Variants in OR3A1 observed in about 807,000 individuals in gnomAD.
The protein encoded by OR3A1 is olfactory receptor family 3 subfamily A member 1, also known as olfactory receptor 3A1.
For synonymous variants in OR3A1, 145 were observed against 160.0 expected (o/e 0.91, Z 0.71); for missense variants, 402 against 393.8 (o/e 1.02, Z -0.18).
rs535937170 is a variant in OR3A1 at position 3,294,169 on chromosome 17, AAAAAT to A, written c.-6-1586_-6-1582del. Among the ~76,000 whole-genome samples the A allele has an allele frequency of 2.6e-3, 400 of 151,580 alleles. 1 individual carries two copies. Among genetic ancestry groups the A allele is most frequent in the Non-Finnish European group, 3.4e-3 (231 of 67,990 alleles). Reference sequence around the variant, plus strand: ...TGTTACCCAACATTTCGGCCTCTCTAAAAATAAAATAAAAAAAAAACTTAAGGAGG... The same window carrying A: ...TGTTACCCAACATTTCGGCCTCTCTAAAAATAAAAAAAAAACTTAAGGAGG... On this transcript the variant is annotated intron_variant, in intron 1 of 1. Coordinates refer to ENST00000323404, the MANE Select transcript of OR3A1 (RefSeq NM_002550.3).
Position 3,291,886 on chromosome 17 carries a change from A to G in OR3A1, c.697T>C (p.Ser233Pro). ...AAGGCTTTCTTCCTGCCCTCTACAG[A>G]GCGAATTCGCAGGACTGCAGCTGCC... The part of the protein sequence containing the change: ...HVAAAVLRIR[S>P]VEGRKKAFST... The change falls in exon 2 of 2, where the codon TCT (serine) becomes CCT (proline). Residue 233 changes from serine (S) to proline (P), a missense_variant. Transcript: ENST00000323404. The G allele has an allele frequency of 3.1e-6, 5 of 1,614,232 alleles. No homozygotes were observed. Among genetic ancestry groups the G allele is most frequent in the Non-Finnish European group, 4.2e-6 (5 of 1,180,046 alleles).
At chr17:3,297,427 T>C (rs2048928060) in intron 1 of OR3A1, among the ~76,000 whole-genome samples, 1 of 152,210 alleles carries the variant, frequency 6.6e-6, no homozygotes, top group Non-Finnish European at 1.5e-5. Flanking sequence ...GTTCTAACCA[T>C]TTACTTTATC....
At position 3,292,020 on chromosome 17, in the gene OR3A1, A is replaced by T. The variant is rs531008041; in HGVS notation, c.563T>A (p.Phe188Tyr). 49 of 1,614,234 alleles carry T rather than the reference A, an allele frequency of 3.0e-5. No homozygotes were observed. The East Asian group carries it at 1.1e-3, about 35-fold the overall frequency. The change falls in exon 2 of 2, where the codon TTC becomes TAC. Residue 188 changes from phenylalanine to tyrosine, a missense_variant. Phe to Tyr is a conservative substitution (Grantham distance 22). Transcript: ENST00000323404. ...NHFYCDLPQLFQLSCSSTQLN... is the reference protein window; with the variant it reads ...NHFYCDLPQLYQLSCSSTQLN... ...TTGGGTGCTGGAGCAGGAGAGCTGG[A>T]AGAGCTGTGGGAGGTCACAGTAGAA...
chr17:3,295,675 A>G (rs1024937562), intron 1 of OR3A1, among the ~76,000 whole-genome samples: 9 of 152,156 alleles, frequency 5.9e-5, no homozygotes, highest in Non-Finnish European at 1.2e-4. Flanking sequence ...ATACAACTCT[A>G]GGCTGATGCC....
chr17:3,291,876 C>G lies in OR3A1; in HGVS notation c.707G>C (p.Gly236Ala). 1 of 1,614,186 alleles carries G rather than the reference C, an allele frequency of 6.2e-7. No homozygotes were observed. The highest frequency in any genetic ancestry group is 8.5e-7 in the Non-Finnish European group (1 of 1,180,012). ...AAVLRIRSVE[G>A]RKKAFSTCGS... Reference sequence around the variant, plus strand: ...ACATGTGGAGAAGGCTTTCTTCCTGCCCTCTACAGAGCGAATTCGCAGGAC... The same window carrying G: ...ACATGTGGAGAAGGCTTTCTTCCTGGCCTCTACAGAGCGAATTCGCAGGAC... Residue 236 changes from glycine to alanine, a missense_variant, in exon 2 of 2, where the codon GGC (glycine) becomes GCC (alanine). By Grantham distance (60) the Gly-to-Ala change is moderately conservative. Coordinates refer to ENST00000323404, the MANE Select transcript of OR3A1 (RefSeq NM_002550.3).
chr17:3,293,748 C>T (rs1451382237), intron 1 of OR3A1, among the ~76,000 whole-genome samples: 1 of 152,132 alleles, frequency 6.6e-6, no homozygotes, highest in East Asian at 1.9e-4. Flanking sequence ...AAATGTGGTA[C>T]ATATACACCA....
At chr17:3,297,800 A>G (rs1317600030) in intron 1 of OR3A1, among the ~76,000 whole-genome samples, 2 of 152,168 alleles carry the variant, frequency 1.3e-5, no homozygotes, top group Non-Finnish European at 2.9e-5. Context: ...AGTAAAAGGG[A>G]GCATCAGATT....
intron 1 of OR3A1, among the ~76,000 whole-genome samples, chr17:3,296,533 G>A (rs1483616305): frequency 3.3e-5 from 5 of 151,904 alleles, no homozygotes; most frequent in Non-Finnish European, 7.4e-5. Context: ...ACATAAACTT[G>A]TTAAATTTTT....
chr17:3,295,366 T>C (rs1295904474), intron 1 of OR3A1, among the ~76,000 whole-genome samples: 2 of 152,076 alleles, frequency 1.3e-5, no homozygotes, highest in Non-Finnish European at 2.9e-5. Context: ...ATATACTAAT[T>C]TCATTGTGCT....
intron 1 of OR3A1, among the ~76,000 whole-genome samples, chr17:3,295,524 G>A (rs2048912082): frequency 6.6e-6 from 1 of 152,094 alleles, no homozygotes. Context: ...AGCCCTTACA[G>A]TGAAAGGCTA....
intron 1 of OR3A1, among the ~76,000 whole-genome samples, chr17:3,294,400 G>T (rs1211738841): frequency 6.6e-6 from 1 of 151,854 alleles, no homozygotes; most frequent in Non-Finnish European, 1.5e-5. Flanking sequence ...TTTAAAAGAT[G>T]ACAAGATGCA....
At chr17:3,294,184 A>T (rs545073112) in intron 1 of OR3A1, among the ~76,000 whole-genome samples, 5 of 152,202 alleles carry the variant, frequency 3.3e-5, no homozygotes, top group Admixed American at 6.5e-5. Flanking sequence ...TAAAATAAAA[A>T]AAAAACTTAA....
rs755968315 is a variant in OR3A1, at chr17:3,291,809, A to G, written c.774T>C (p.Gly258=). 1.4e-5 allele frequency: 22 copies of G among 1,613,786 alleles called. No homozygotes were observed. Among genetic ancestry groups the G allele is most frequent in the Admixed American group, 5.0e-5 (3 of 60,010 alleles). Residue 258 remains glycine, a synonymous_variant, in exon 2 of 2, where the codon GGT becomes GGC. Transcript: ENST00000323404. ...AACCCAGTCGCATATAGTTAAAGAT[A>G]CCTGAACCATAGAATATGGCAACCA... is the stretch of plus-strand genomic sequence containing the variant. ...LTVVAIFYGS[G]IFNYMRLGST...
chr17:3,291,948 G>C lies in OR3A1; in HGVS notation c.635C>G (p.Thr212Ser). Residue 212 changes from threonine (T) to serine (S), a missense_variant, in exon 2 of 2, where the codon ACC (threonine) becomes AGC (serine). Thr to Ser is a moderately conservative substitution (Grantham distance 58, BLOSUM62 1). Coordinates refer to ENST00000323404, the MANE Select transcript of OR3A1 (RefSeq NM_002550.3). ...LFAVGFIMAG[T>S]PMALIVISYI... is the part of the protein sequence containing the mutation. ...GGAGATGACAATGAGAGCCATGGGG[G>C]TACCTGCCATTATAAAACCCACAGC... The C allele has an allele frequency of 1.2e-6, 2 of 1,614,216 alleles. No individual in the cohort carries two copies. The highest frequency in any genetic ancestry group is 1.7e-6 in the Non-Finnish European group (2 of 1,180,034).
Position 3,291,858 on chromosome 17 carries a change from G to C in OR3A1, c.725C>G (p.Ser242Cys). The change falls in exon 2 of 2, where the codon TCC (serine) becomes TGC (cysteine). Residue 242 changes from serine (S) to cysteine (C), a missense_variant. By Grantham distance (112) the Ser-to-Cys change is moderately radical. Transcript: ENST00000323404. ...CACAGTGAGGTGGGAGCCACATGTG[G>C]AGAAGGCTTTCTTCCTGCCCTCTAC... ...RSVEGRKKAF[S>C]TCGSHLTVVA... 6.2e-7 allele frequency: 1 copy of C among 1,614,156 alleles called. No homozygotes were observed. Among genetic ancestry groups the C allele is most frequent in the African/African-American group, 1.3e-5 (1 of 75,054 alleles).
chr17:3,294,891 G>C (rs2048907027), intron 1 of OR3A1, among the ~76,000 whole-genome samples: 1 of 152,104 alleles, frequency 6.6e-6, no homozygotes, highest in Non-Finnish European at 1.5e-5. Flanking sequence ...GGCAATCTGA[G>C]AATTCAAGGA....
intron 1 of OR3A1, among the ~76,000 whole-genome samples, chr17:3,296,248 C>T (rs1286626802): frequency 6.6e-6 from 1 of 151,802 alleles, no homozygotes; most frequent in African/African-American, 2.4e-5. Context: ...TTGGACCAAA[C>T]AGAGAATGAA....
Position 3,291,319 on chromosome 17 carries a change from C to T in OR3A1, c.*316G>A, listed in dbSNP as rs906578410. 2.0e-5 allele frequency: 5 copies of T among 255,236 alleles called. No individual in the cohort carries two copies. The highest frequency in any genetic ancestry group is 3.7e-5 in the Non-Finnish European group (5 of 133,922). The allele number at this position is 255,236 out of a possible 1,614,324, so 15.8% of individuals were successfully genotyped here. A position where few individuals can be genotyped will look rare whatever the true frequency, so the allele number is the denominator to read the frequency against. ...TTCTGGCAACTAAGGCTGTAACCAA[C>T]CAAAGAGTCATTCCTTCTGGAACAT... On this transcript the variant is annotated 3_prime_UTR_variant, in exon 2 of 2. Coordinates refer to ENST00000323404, the MANE Select transcript of OR3A1 (RefSeq NM_002550.3).
chr17:3,297,360 C>T lies in OR3A1; in HGVS notation c.-7+923G>A, dbSNP rs2048927545. ...TACCTCTCATTTGCCCTTTCCCATCCACTTTAACTCAGGTTGTAAGGTTTT... is the reference window on the plus strand; with the variant it reads ...TACCTCTCATTTGCCCTTTCCCATCTACTTTAACTCAGGTTGTAAGGTTTT... On this transcript the variant is annotated intron_variant, in intron 1 of 1. Coordinates refer to ENST00000323404, the MANE Select transcript of OR3A1 (RefSeq NM_002550.3). 2.0e-5 allele frequency among the ~76,000 whole-genome samples: 3 copies of T among 152,204 alleles called. No individual in the cohort carries two copies. The South Asian group carries it at 6.2e-4, about 32-fold the overall frequency.
Sources: gnomAD v4.1 joint callset for allele counts (sites outside exome capture counted in the v4.1 genomes callset) on GRCh38, gnomAD v4.1.1 for gene constraint, MANE v1.5 for transcripts, NCBI Gene and HGNC (gene_info 2026-07-23, HGNC 2026-07-21) for gene names.